The following MACROD2 variants were observed in gnomAD, a reference collection of about 807,000 sequenced individuals.
MACROD2 encodes mono-ADP ribosylhydrolase 2.
A neutral mutation model predicts 70.4 loss-of-function variants in MACROD2; 36 were observed. The observed-to-expected ratio is 0.51, with a 90% CI of 0.39 to 0.68. The LOEUF is 0.68. Ranked by LOEUF, MACROD2 falls within the 30% of genes least tolerant of loss-of-function variation. MACROD2 has a pLI of 0.00. For missense variants in MACROD2, 496 were observed against 538.4 expected, an observed-to-expected ratio of 0.92 and a Z score of 0.78; for synonymous variants, 172 against 178.8, an observed-to-expected ratio of 0.96 and a Z score of 0.30.
intron 5 of MACROD2, among the ~76,000 whole-genome samples, chr20:15,140,613 A>G (rs1385487672): frequency 6.6e-6 from 1 of 152,112 alleles, no homozygotes. Context: ...GTAGTAAAAT[A>G]TGTTTTGTGA....
chr20:15,011,336 C>CAG (rs201514125), intron 5 of MACROD2, among the ~76,000 whole-genome samples: 12 of 151,494 alleles, frequency 7.9e-5, no homozygotes, highest in South Asian at 2.1e-4. Flanking sequence ...GTAAGAAATA[C>CAG]AGAGAGAGAG....
intron 3 of MACROD2, among the ~76,000 whole-genome samples, chr20:14,407,745 A>G (rs541255762): frequency 7.2e-5 from 11 of 152,282 alleles, no homozygotes; most frequent in Admixed American, 5.9e-4. Flanking sequence ...GCTTGCCTTT[A>G]TTTAGGCAAA....
chr20:15,626,113 G>C (rs1434886901), intron 8 of MACROD2, among the ~76,000 whole-genome samples: 1 of 152,002 alleles, frequency 6.6e-6, no homozygotes, highest in Non-Finnish European at 1.5e-5. Context: ...AAACTTAATA[G>C]CCAAGGGAAA....
chr20:15,592,157 C>T (rs1167416801), intron 8 of MACROD2, among the ~76,000 whole-genome samples: 1 of 152,140 alleles, frequency 6.6e-6, no homozygotes, highest in Admixed American at 6.5e-5. Context: ...AGTGTCCTTA[C>T]CTATAAAATG....
At chr20:15,553,495 C>T (rs562067870) in intron 8 of MACROD2, among the ~76,000 whole-genome samples, 1 of 152,320 alleles carries the variant, frequency 6.6e-6, no homozygotes, top group East Asian at 1.9e-4. Context: ...TGATAGCTCA[C>T]TGCAACCTCT....
intron 4 of MACROD2, among the ~76,000 whole-genome samples, chr20:14,650,803 T>C (rs1985638804): frequency 6.6e-6 from 1 of 152,190 alleles, no homozygotes. Flanking sequence ...CAGCCTTTAA[T>C]ATAGTTGCCA....
At chr20:15,739,035 A>G (rs758593410) in intron 8 of MACROD2, among the ~76,000 whole-genome samples, 9 of 152,196 alleles carry the variant, frequency 5.9e-5, no homozygotes, top group Non-Finnish European at 8.8e-5. Context: ...GGCCAAAATG[A>G]TAATTTCGAG....
intron 3 of MACROD2, among the ~76,000 whole-genome samples, chr20:14,315,384 T>C (rs2082604189): frequency 6.6e-6 from 1 of 152,248 alleles, no homozygotes; most frequent in South Asian, 2.1e-4. Flanking sequence ...CTTAGTGATA[T>C]AAGTGTTTGA....
intron 3 of MACROD2, among the ~76,000 whole-genome samples, chr20:14,456,188 G>A (rs1452380870): frequency 6.6e-6 from 1 of 151,850 alleles, no homozygotes; most frequent in Non-Finnish European, 1.5e-5. Flanking sequence ...TCAGATAACA[G>A]TCTTTCATGA....
chr20:15,201,424 A>G (rs967213674), intron 5 of MACROD2, among the ~76,000 whole-genome samples: 3 of 152,214 alleles, frequency 2.0e-5, no homozygotes, highest in Non-Finnish European at 4.4e-5. Flanking sequence ...TGCCATATGG[A>G]TAAACATTTA....
intron 9 of MACROD2, among the ~76,000 whole-genome samples, chr20:15,882,498 A>G (rs2064768282): frequency 6.6e-6 from 1 of 152,068 alleles, no homozygotes; most frequent in Non-Finnish European, 1.5e-5. Flanking sequence ...GATTTCAGGC[A>G]GAGGATGGAA....
chr20:15,145,962 TATAA>T (rs1037363940), intron 5 of MACROD2, among the ~76,000 whole-genome samples: 26 of 152,124 alleles, frequency 1.7e-4, no homozygotes, highest in Non-Finnish European at 3.4e-4. Context: ...ATATTAATAG[TATAA>T]ATATGTACAA....
chr20:15,515,376 C>G (rs2047553532), intron 8 of MACROD2, among the ~76,000 whole-genome samples: 1 of 152,198 alleles, frequency 6.6e-6, no homozygotes, highest in Non-Finnish European at 1.5e-5. Context: ...ATCAGTGCTG[C>G]CTTTGTTGCA....
At chr20:14,218,928 A>G (rs1159744768) in intron 3 of MACROD2, among the ~76,000 whole-genome samples, 1 of 152,172 alleles carries the variant, frequency 6.6e-6, no homozygotes, top group Non-Finnish European at 1.5e-5. Context: ...GTGTTTCTTT[A>G]TAGGTTACCT....
chr20:15,092,329 T>C (rs1451620650), intron 5 of MACROD2, among the ~76,000 whole-genome samples: 1 of 150,710 alleles, frequency 6.6e-6, no homozygotes, highest in Non-Finnish European at 1.5e-5. Context: ...CATTTTCAAA[T>C]ATAATTAATA....
chr20:14,703,825 C>T (rs1026279092), intron 5 of MACROD2, among the ~76,000 whole-genome samples: 4 of 152,116 alleles, frequency 2.6e-5, no homozygotes, highest in Non-Finnish European at 5.9e-5. Flanking sequence ...TTCCCAGGTT[C>T]AAGAGATTCT....
At chr20:14,656,624 A>G (rs1985991378) in intron 4 of MACROD2, among the ~76,000 whole-genome samples, 1 of 152,196 alleles carries the variant, frequency 6.6e-6, no homozygotes, top group Admixed American at 6.5e-5. Flanking sequence ...TATTACCTTC[A>G]GCAGCCCTTT....
chr20:14,427,153 G>A (rs916628812), intron 3 of MACROD2, among the ~76,000 whole-genome samples: 3 of 151,184 alleles, frequency 2.0e-5, no homozygotes. Context: ...TTTTTTAAAC[G>A]GTGAAACTTT....
At chr20:14,077,804 A>T (rs2053932346) in intron 2 of MACROD2, among the ~76,000 whole-genome samples, 1 of 152,150 alleles carries the variant, frequency 6.6e-6, no homozygotes, top group Non-Finnish European at 1.5e-5. Context: ...GTGCTAATAT[A>T]AAACTAGAAC....
Sources: allele counts gnomAD v4.1 joint callset (sites outside exome capture counted in the v4.1 genomes callset), GRCh38; gene constraint gnomAD v4.1.1; transcripts MANE v1.5; gene names NCBI Gene and HGNC (gene_info 2026-07-23, HGNC 2026-07-21).